EBF1: variants seen among roughly 807,000 people sequenced by gnomAD.
EBF1 encodes transcription factor COE1.
A neutral mutation model predicts 68.4 loss-of-function variants in EBF1; 10 were observed. The ratio of observed to expected loss-of-function variants is 0.15; its 90% CI spans 0.09 to 0.25. EBF1 has a LOEUF of 0.25. Ranked by LOEUF, EBF1 falls within the 10% of genes least tolerant of loss-of-function variation. The pLI, the probability that EBF1 is intolerant of heterozygous loss-of-function variation, is 1.00. For synonymous variants in EBF1, 298 were observed against 299.8 expected (o/e 0.99, Z 0.06); for missense variants, 509 against 794.4 (o/e 0.64, Z 4.32).
At chr5:159,089,144 T>C (rs989263110) in intron 4 of EBF1, among the ~76,000 whole-genome samples, 1 of 152,146 alleles carries the variant, frequency 6.6e-6, no homozygotes, top group Non-Finnish European at 1.5e-5. Flanking sequence ...AAATATCTCA[T>C]ATTATTTTTT....
chr5:158,746,931 A>G (rs1200674570), intron 10 of EBF1, among the ~76,000 whole-genome samples: 1 of 152,186 alleles, frequency 6.6e-6, no homozygotes, highest in Non-Finnish European at 1.5e-5. Context: ...ACAAAATCAA[A>G]TATACTGGAT....
chr5:158,971,167 G>C (rs1755572498), intron 6 of EBF1, among the ~76,000 whole-genome samples: 1 of 152,214 alleles, frequency 6.6e-6, no homozygotes, highest in Non-Finnish European at 1.5e-5. Flanking sequence ...ACGCCCATCT[G>C]TAAAGTGGGG....
intron 6 of EBF1, among the ~76,000 whole-genome samples, chr5:159,050,182 T>C (rs376794272): frequency 7.8e-5 from 9 of 115,000 alleles, no homozygotes; most frequent in East Asian, 2.4e-4. Context: ...CTCTCTCTCT[T>C]CTCTCTTTTC....
At chr5:158,966,449 GCAGC>G (rs1754140846) in intron 6 of EBF1, among the ~76,000 whole-genome samples, 3 of 151,976 alleles carry the variant, frequency 2.0e-5, no homozygotes, top group African/African-American at 7.3e-5. Flanking sequence ...CTCTACAAAA[GCAGC>G]ATTACAGTCA....
intron 6 of EBF1, among the ~76,000 whole-genome samples, chr5:158,950,093 A>C (rs1815649800): frequency 6.6e-6 from 1 of 152,170 alleles, no homozygotes; most frequent in South Asian, 2.1e-4. Context: ...TGGCTTCCAC[A>C]CAGGCAGTGG....
intron 10 of EBF1, among the ~76,000 whole-genome samples, chr5:158,743,300 A>G (rs1166386221): frequency 1.3e-5 from 2 of 152,230 alleles, no homozygotes; most frequent in African/African-American, 4.8e-5. Flanking sequence ...GGCAATAGGA[A>G]CAGAAAGAGC....
intron 13 of EBF1, 66 bp downstream of exon 13, chr5:158,712,904 A>G (rs1581231186): frequency 1.5e-6 from 2 of 1,371,430 alleles, no homozygotes; most frequent in South Asian, 4.2e-5. Flanking sequence ...AAAATTGTTC[A>G]TGACCAATAA....
chr5:158,796,530 T>C (rs1779639458), intron 8 of EBF1, 55 bp from the exon 9 acceptor site: 2 of 1,523,722 alleles, frequency 1.3e-6, no homozygotes, highest in East Asian at 4.6e-5. Context: ...AACCAAACTT[T>C]AATGATGAAG....
intron 6 of EBF1, among the ~76,000 whole-genome samples, chr5:158,926,124 T>C (rs1279200137): frequency 6.6e-6 from 1 of 152,240 alleles, no homozygotes; most frequent in Non-Finnish European, 1.5e-5. Context: ...ATAAGGGTTA[T>C]ATTTCTAAAC....
At chr5:158,985,781 A>T (rs1414422375) in intron 6 of EBF1, 1 of 152,258 alleles carries the variant, frequency 6.6e-6, no homozygotes, top group Non-Finnish European at 1.5e-5. Flanking sequence ...CAGAGGCATC[A>T]GAGTCTAAAG....
intron 6 of EBF1, among the ~76,000 whole-genome samples, chr5:158,896,942 T>C (rs1802295180): frequency 6.6e-6 from 1 of 152,046 alleles, no homozygotes; most frequent in Non-Finnish European, 1.5e-5. Context: ...TTCTTATAGC[T>C]AAATAGTAAT....
At position 158,702,300 on chromosome 5, in the gene EBF1, G is replaced by A. The variant is rs141499049; in HGVS notation, c.1745-3158C>T. 7.0e-4 allele frequency among the ~76,000 whole-genome samples: 106 copies of A among 152,114 alleles called. 1 individual carries two copies. Among genetic ancestry groups the A allele is most frequent in the African/African-American group, 2.3e-3 (96 of 41,486 alleles). On this transcript the variant is annotated intron_variant, in intron 15 of 15. Coordinates refer to ENST00000313708, the MANE Select transcript of EBF1 (RefSeq NM_024007.5). ...TGAGAGGGATGGGTGTCTGGAGCTTGGAATGTTCCAGCAATGCCATTGGCA... is the reference window on the plus strand; with the variant it reads ...TGAGAGGGATGGGTGTCTGGAGCTTAGAATGTTCCAGCAATGCCATTGGCA...
intron 11 of EBF1, among the ~76,000 whole-genome samples, chr5:158,730,102 T>G (rs907961708): frequency 6.6e-6 from 1 of 152,258 alleles, no homozygotes; most frequent in Admixed American, 6.5e-5. Flanking sequence ...CTAGACTTAC[T>G]GTGGCAAGAA....
intron 6 of EBF1, among the ~76,000 whole-genome samples, chr5:159,030,592 G>A (rs993120065): frequency 6.6e-6 from 1 of 152,156 alleles, no homozygotes; most frequent in Non-Finnish European, 1.5e-5. Context: ...AGGGCCAGGT[G>A]GGAAAGGCAG....
At chr5:158,728,315 A>T (rs1356346421) in intron 11 of EBF1, among the ~76,000 whole-genome samples, 1 of 152,196 alleles carries the variant, frequency 6.6e-6, no homozygotes, top group Non-Finnish European at 1.5e-5. Context: ...CTTAACACAC[A>T]AATCCATTGT....
At chr5:158,712,130 C>T (rs1331740824) in intron 14 of EBF1, 24 bp downstream of exon 14, 1 of 1,612,066 alleles carries the variant, frequency 6.2e-7, no homozygotes, top group Non-Finnish European at 8.5e-7. Context: ...CGTGCAGGAA[C>T]GCAGGATATG....
At chr5:159,051,618 G>A (rs1175095066) in intron 6 of EBF1, among the ~76,000 whole-genome samples, 1 of 151,674 alleles carries the variant, frequency 6.6e-6, no homozygotes, top group Non-Finnish European at 1.5e-5. Context: ...CCCACAGTGC[G>A]CTCGGCACCA....
At chr5:158,917,773 C>A (rs570429274) in intron 6 of EBF1, among the ~76,000 whole-genome samples, 1 of 152,288 alleles carries the variant, frequency 6.6e-6, no homozygotes, top group East Asian at 1.9e-4. Context: ...ACGGGACATC[C>A]AGAAAAACTG....
At chr5:158,821,792 C>A (rs1236725516) in intron 8 of EBF1, among the ~76,000 whole-genome samples, 1 of 152,120 alleles carries the variant, frequency 6.6e-6, no homozygotes, top group African/African-American at 2.4e-5. Flanking sequence ...TTGAAATGGC[C>A]TCCTGCAAAA....
Sources: gnomAD v4.1 joint callset for allele counts (sites outside exome capture counted in the v4.1 genomes callset) on GRCh38, gnomAD v4.1.1 for gene constraint, MANE v1.5 for transcripts, NCBI Gene and HGNC (gene_info 2026-07-23, HGNC 2026-07-21) for gene names.